The following TBC1D19 variants were observed in gnomAD, a reference collection of about 807,000 sequenced individuals.
The protein encoded by TBC1D19 is TBC1 domain family, member 19.
A neutral mutation model predicts 89.0 loss-of-function variants in TBC1D19; 60 were observed. The observed-to-expected ratio is 0.67, with a 90% CI of 0.55 to 0.84. The LOEUF is 0.84. TBC1D19 is among the 40% of genes least tolerant of loss of function. The pLI is 0.00. For synonymous variants in TBC1D19, 189 were observed against 199.7 expected (o/e 0.95, Z 0.45); for missense variants, 500 against 610.8 (o/e 0.82, Z 1.91).
the TBC1D19 span, among the ~76,000 whole-genome samples, chr4:26,780,719 C>G: frequency 6.6e-6 from 1 of 152,202 alleles, no homozygotes; most frequent in Admixed American, 6.5e-5. Flanking sequence ...CCTTGTAACA[C>G]CTCCCTTGAG....
the TBC1D19 span, among the ~76,000 whole-genome samples, chr4:26,790,145 G>T: frequency 6.6e-6 from 1 of 152,136 alleles, no homozygotes; most frequent in Non-Finnish European, 1.5e-5. Context: ...ATATATCCAT[G>T]TAACAAAACT....
At chr4:26,709,193 A>T (rs965578612) in intron 13 of TBC1D19, among the ~76,000 whole-genome samples, 5 of 151,928 alleles carry the variant, frequency 3.3e-5, no homozygotes, top group African/African-American at 4.8e-5. Context: ...TCTGCCCAGG[A>T]TCAGCCTGAG....
At chr4:26,797,316 A>G in the TBC1D19 span, among the ~76,000 whole-genome samples, 148 of 152,284 alleles carry the variant, frequency 9.7e-4, no homozygotes, top group Non-Finnish European at 1.5e-3. Flanking sequence ...AAAAGAATAA[A>G]ATAGGAATAC....
At chr4:26,742,047 C>T (rs1000353676) in intron 17 of TBC1D19, among the ~76,000 whole-genome samples, 2 of 152,126 alleles carry the variant, frequency 1.3e-5, no homozygotes, top group Non-Finnish European at 2.9e-5. Flanking sequence ...GCAGTATTTT[C>T]CCTAGTGAGT....
At chr4:26,584,326 GGC>G (rs759797930) in intron 1 of TBC1D19, 34 bp downstream of exon 1, 1 of 1,577,662 alleles carries the variant, frequency 6.3e-7, no homozygotes, top group Non-Finnish European at 8.6e-7. Context: ...GATGCAGACG[GGC>G]GGGGCCGCGG....
chr4:26,641,333 AC>A (rs905839223), intron 7 of TBC1D19, among the ~76,000 whole-genome samples: 71 of 152,344 alleles, frequency 4.7e-4, no homozygotes, highest in African/African-American at 1.7e-3. Context: ...CAGCTGAGGG[AC>A]CTGACTGTTA....
intron 7 of TBC1D19, among the ~76,000 whole-genome samples, chr4:26,647,909 C>T (rs1449900564): frequency 1.3e-5 from 2 of 151,974 alleles, no homozygotes; most frequent in Non-Finnish European, 2.9e-5. Context: ...TGTTTTCCTC[C>T]ACAGCATCTA....
the TBC1D19 span, among the ~76,000 whole-genome samples, chr4:26,817,529 C>T: frequency 3.3e-5 from 5 of 152,254 alleles, no homozygotes; most frequent in South Asian, 8.3e-4. Context: ...TAGGCAGTCT[C>T]CCCCAGGTTG....
At chr4:26,706,702 T>C (rs1173292002) in intron 13 of TBC1D19, among the ~76,000 whole-genome samples, 1 of 152,164 alleles carries the variant, frequency 6.6e-6, no homozygotes, top group Non-Finnish European at 1.5e-5. Flanking sequence ...TCACTCTCAC[T>C]GAATCCCGTA....
At chr4:26,687,306 A>G (rs1404068929) in intron 12 of TBC1D19, among the ~76,000 whole-genome samples, 1 of 152,186 alleles carries the variant, frequency 6.6e-6, no homozygotes, top group Non-Finnish European at 1.5e-5. Flanking sequence ...TGAAGGAGGC[A>G]GTGGTATCCT....
the TBC1D19 span, among the ~76,000 whole-genome samples, chr4:26,854,357 C>T: frequency 6.6e-6 from 1 of 152,136 alleles, no homozygotes; most frequent in African/African-American, 2.4e-5. Context: ...TAATATAGTA[C>T]CCGACCCTAA....
the TBC1D19 span, among the ~76,000 whole-genome samples, chr4:26,798,651 A>G: frequency 4.4e-4 from 67 of 152,086 alleles, no homozygotes; most frequent in African/African-American, 1.6e-3. Flanking sequence ...GTGTCCATCA[A>G]CAGTTGATGG....
chr4:26,638,109 A>G (rs565741817), intron 5 of TBC1D19, among the ~76,000 whole-genome samples: 1 of 148,538 alleles, frequency 6.7e-6, no homozygotes, highest in African/African-American at 2.6e-5. Context: ...GGCATTGAGG[A>G]GAAAAGATGA....
chr4:26,773,024 C>T, the TBC1D19 span, among the ~76,000 whole-genome samples: 7 of 152,168 alleles, frequency 4.6e-5, no homozygotes, highest in African/African-American at 1.7e-4. Context: ...GTCTCTGGGT[C>T]TTTGAGGAAT....
chr4:26,652,260 A>C (rs1283017218), intron 7 of TBC1D19, among the ~76,000 whole-genome samples: 2 of 151,118 alleles, frequency 1.3e-5, no homozygotes, highest in Non-Finnish European at 2.9e-5. Context: ...CTCTTTTTCT[A>C]ATGATTGGAA....
At chr4:26,736,311 G>GCATATTCTCA (rs1203408474) in intron 16 of TBC1D19, among the ~76,000 whole-genome samples, 1 of 144,330 alleles carries the variant, frequency 6.9e-6, no homozygotes, top group Non-Finnish European at 1.5e-5. Flanking sequence ...ACCAAACACC[G>GCATATTCTCA]CATATTCTCA....
chr4:26,660,359 A>G (rs1305293546), intron 8 of TBC1D19, among the ~76,000 whole-genome samples: 1 of 152,232 alleles, frequency 6.6e-6, no homozygotes, highest in African/African-American at 2.4e-5. Context: ...CACTGATGAT[A>G]AATGACTTAA....
At chr4:26,772,803 T>G in the TBC1D19 span, among the ~76,000 whole-genome samples, 1 of 152,226 alleles carries the variant, frequency 6.6e-6, no homozygotes, top group Non-Finnish European at 1.5e-5. Context: ...ATCTCATTCC[T>G]TTTTATGGCT....
chr4:26,620,723 T>C (rs751134348), intron 4 of TBC1D19, 35 bp downstream of exon 4: 25 of 1,584,150 alleles, frequency 1.6e-5, no homozygotes, highest in Non-Finnish European at 2.2e-5. Flanking sequence ...TATTTTTTCA[T>C]GCCAAGTTAT....
Sources: allele counts gnomAD v4.1 joint callset (sites outside exome capture counted in the v4.1 genomes callset), GRCh38; gene constraint gnomAD v4.1.1; transcripts MANE v1.5; gene names NCBI Gene and HGNC (gene_info 2026-07-23, HGNC 2026-07-21).